Variants in ST3GAL3 observed in about 807,000 individuals in gnomAD.
The protein encoded by ST3GAL3 is CMP-N-acetylneuraminate-beta-1,4-galactoside alpha-2,3-sialyltransferase.
Under a neutral mutation model 50.1 loss-of-function variants are expected in ST3GAL3, and 21 were observed. The observed-to-expected ratio is 0.42, with a 90% CI of 0.30 to 0.60. ST3GAL3 has a LOEUF of 0.60. ST3GAL3 is among the 20% of genes least tolerant of loss of function. The pLI, the probability that ST3GAL3 is intolerant of heterozygous loss-of-function variation, is 0.19. For synonymous variants in ST3GAL3, 183 were observed against 190.0 expected, an observed-to-expected ratio of 0.96 and a Z score of 0.30; for missense variants, 353 against 489.4, an observed-to-expected ratio of 0.72 and a Z score of 2.63.
chr1:43,729,010 C>G (rs1314474609), intron 1 of ST3GAL3, among the ~76,000 whole-genome samples: 1 of 151,992 alleles, frequency 6.6e-6, no homozygotes, highest in Non-Finnish European at 1.5e-5. Flanking sequence ...CCACTGCAGA[C>G]TCCTGAGTAA....
chr1:43,715,713 A>G (rs1438095271), intron 1 of ST3GAL3, among the ~76,000 whole-genome samples: 2 of 152,090 alleles, frequency 1.3e-5, no homozygotes, highest in African/African-American at 4.8e-5. Flanking sequence ...GCCTGAGCCT[A>G]GGAGGTTGAG....
At chr1:43,908,019 A>G (rs1038697535) in intron 9 of ST3GAL3, among the ~76,000 whole-genome samples, 2 of 152,242 alleles carry the variant, frequency 1.3e-5, no homozygotes, top group South Asian at 4.1e-4. Flanking sequence ...CTCCCTTTAA[A>G]GGAGCAGCTT....
At chr1:43,875,268 A>T (rs891663447) in intron 5 of ST3GAL3, among the ~76,000 whole-genome samples, 3 of 152,180 alleles carry the variant, frequency 2.0e-5, no homozygotes, top group African/African-American at 7.2e-5. Flanking sequence ...TGAGCTATAG[A>T]TACATGGAGG....
Position 43,899,526 on chromosome 1 carries a change from G to A in ST3GAL3, c.558-15G>A. The A allele has an allele frequency of 6.2e-7, 1 of 1,611,108 alleles. No homozygotes were observed. Among genetic ancestry groups the A allele is most frequent in the Non-Finnish European group, 8.5e-7 (1 of 1,180,018 alleles). Reference sequence around the variant, plus strand: ...AAACACAGGCCCAGGCTCTGAGTGGGCCTGCTCTCTGTAGACTGAATTCAG... The same window carrying A: ...AAACACAGGCCCAGGCTCTGAGTGGACCTGCTCTCTGTAGACTGAATTCAG... On this transcript the variant is annotated splice_polypyrimidine_tract_variant and intron_variant, in intron 8 of 11. Coordinates refer to ENST00000347631, the MANE Select transcript of ST3GAL3 (RefSeq NM_006279.5). This position sits in a 1 kb window ranked among gnomAD's most constrained non-coding sequence, Gnocchi z 5.4.
At position 43,918,159 on chromosome 1, in the gene ST3GAL3, C is replaced by CA. The variant is rs542330913; in HGVS notation, c.745-2244dup. On this transcript the variant is annotated intron_variant, in intron 9 of 11. Coordinates refer to ENST00000347631, the MANE Select transcript of ST3GAL3 (RefSeq NM_006279.5). ...TAAGAGAGGGTCTCACTCTGTCACC[C>CA]AGGCTGGAGTGTGCAGTGGCGTGAT... Among the ~76,000 whole-genome samples, 393 of 130,254 alleles carry CA rather than the reference C, an allele frequency of 3.0e-3. 2 individuals are homozygous for CA. The highest frequency in any genetic ancestry group is 0.011 in the African/African-American group (372 of 35,246). The allele number at this position is 130,254 out of a possible 152,430, so 85.5% of individuals were successfully genotyped here. A position where few individuals can be genotyped will look rare whatever the true frequency, so the allele number is the denominator to read the frequency against.
intron 5 of ST3GAL3, among the ~76,000 whole-genome samples, chr1:43,854,502 C>G (rs1386703560): frequency 6.6e-6 from 1 of 152,218 alleles, no homozygotes; most frequent in Non-Finnish European, 1.5e-5. Flanking sequence ...AAGAGATCTT[C>G]TTTTCCTGTG....
chr1:43,779,543 C>T (rs1698655198), intron 2 of ST3GAL3, among the ~76,000 whole-genome samples: 1 of 152,166 alleles, frequency 6.6e-6, no homozygotes, highest in Non-Finnish European at 1.5e-5. Context: ...CTCTGAATCT[C>T]TAATAACAAG....
At position 43,899,579 on chromosome 1, in the gene ST3GAL3, T is replaced by A; in HGVS notation, c.596T>A (p.Val199Glu). The stretch of plus-strand genomic sequence containing the variant: ...CCAGTGAAAGGCTTTGAGAAGGACG[T>A]GGGCAGCAAAACGACACTGCGCATC... ...SAPVKGFEKD[V>E]GSKTTLRITY... The change falls in exon 9 of 12, where the codon GTG (valine) becomes GAG (glutamate). Residue 199 changes from valine (V) to glutamate (E), a missense_variant. Val to Glu is a moderately radical substitution (Grantham distance 121). Coordinates refer to ENST00000347631, the MANE Select transcript of ST3GAL3 (RefSeq NM_006279.5). The surrounding 1 kb of genome is among the most constrained non-coding windows in gnomAD (Gnocchi z 5.4). The A allele has an allele frequency of 6.2e-7, 1 of 1,614,024 alleles. No homozygotes were observed. Among genetic ancestry groups the A allele is most frequent in the Non-Finnish European group, 8.5e-7 (1 of 1,180,034 alleles).
At chr1:43,742,578 G>T (rs1279577938) in intron 2 of ST3GAL3, among the ~76,000 whole-genome samples, 1 of 152,152 alleles carries the variant, frequency 6.6e-6, no homozygotes, top group Non-Finnish European at 1.5e-5. Flanking sequence ...ACTAAGACAT[G>T]CAAAGAAACA....
At chr1:43,805,771 T>G (rs552781536) in intron 3 of ST3GAL3, among the ~76,000 whole-genome samples, 1 of 152,272 alleles carries the variant, frequency 6.6e-6, no homozygotes, top group South Asian at 2.1e-4. Flanking sequence ...AGTCTCACAC[T>G]GTCACCGAGG....
Position 43,894,515 on chromosome 1 carries a change from C to A in ST3GAL3, c.397+38C>A, listed in dbSNP as rs773975746. The A allele has an allele frequency of 5.7e-6, 9 of 1,570,386 alleles. No homozygotes were observed. In the East Asian group the frequency reaches 1.8e-4, roughly 31 times the overall value. On this transcript the variant is annotated intron_variant, in intron 6 of 11. Transcript: ENST00000347631. ...CCCTGACCTACATTAACATCTCATC[C>A]CCCCGACTGTCTCCCTGTCCTTCAG... is the stretch of plus-strand genomic sequence containing the variant.
intron 2 of ST3GAL3, among the ~76,000 whole-genome samples, chr1:43,761,566 G>A (rs1348109135): frequency 6.6e-6 from 1 of 151,962 alleles, no homozygotes; most frequent in Non-Finnish European, 1.5e-5. Context: ...AAGAAAGGAA[G>A]TCAGAAGTAA....
chr1:43,928,439 A>C (rs2084409502), intron 11 of ST3GAL3, among the ~76,000 whole-genome samples: 1 of 151,880 alleles, frequency 6.6e-6, no homozygotes, highest in Admixed American at 6.6e-5. Flanking sequence ...TCTCTACTAC[A>C]AATACAAAAA....
At chr1:43,765,452 C>T (rs1692201883) in intron 2 of ST3GAL3, among the ~76,000 whole-genome samples, 1 of 152,192 alleles carries the variant, frequency 6.6e-6, no homozygotes, top group South Asian at 2.1e-4. Context: ...GCCCTCACAG[C>T]TACACTGTGA....
rs144278315 is a variant in ST3GAL3, at chr1:43,801,563, T to C, written c.166+9414T>C. ...GAATGTAGGTAGGAAGTAATACTTA[T>C]GTGCTATACTAGGACAAATAGGAGA... On this transcript the variant is annotated intron_variant, in intron 3 of 11. Transcript: ENST00000347631. 3.6e-3 allele frequency: 1,257 copies of C among 344,486 alleles called. 4 individuals carry two copies. Among genetic ancestry groups the C allele is most frequent in the Middle Eastern group, 0.012 (13 of 1,100 alleles). 21.3% of individuals were successfully genotyped at this position (344,486 alleles called of 1,614,324 possible).
At chr1:43,715,261 G>A (rs956787320) in intron 1 of ST3GAL3, among the ~76,000 whole-genome samples, 3 of 151,444 alleles carry the variant, frequency 2.0e-5, no homozygotes, top group Non-Finnish European at 2.9e-5. Flanking sequence ...AAATCACTGA[G>A]TACAAAAAAA....
At chr1:43,818,940 A>G (rs1465165321) in intron 4 of ST3GAL3, among the ~76,000 whole-genome samples, 2 of 152,232 alleles carry the variant, frequency 1.3e-5, no homozygotes, top group East Asian at 3.8e-4. Flanking sequence ...CAAAGGGCCA[A>G]ATGGTAAATA....
chr1:43,834,156 G>A (rs1490430926), intron 4 of ST3GAL3, among the ~76,000 whole-genome samples: 7 of 152,050 alleles, frequency 4.6e-5, no homozygotes, highest in African/African-American at 7.2e-5. Flanking sequence ...GTGAGACCCC[G>A]TCTCAGAAAA....
intron 5 of ST3GAL3, chr1:43,842,093 A>G (rs913653949): frequency 6.6e-6 from 1 of 152,222 alleles, no homozygotes; most frequent in Non-Finnish European, 1.5e-5. Flanking sequence ...TCCATTTCCC[A>G]ATGAGTTCCT....
Sources: gnomAD v4.1 joint callset for allele counts (sites outside exome capture counted in the v4.1 genomes callset) on GRCh38, gnomAD v4.1.1 for gene constraint, Gnocchi (gnomAD v3.1) non-coding constraint, MANE v1.5 for transcripts, NCBI Gene and HGNC (gene_info 2026-07-23, HGNC 2026-07-21) for gene names.